PGM5: variants seen among roughly 807,000 people sequenced by gnomAD.
The protein encoded by PGM5 is phosphoglucomutase 5, also known as phosphoglucomutase-like protein 5.
In PGM5, 23 loss-of-function variants were observed where a neutral mutation model predicts 59.2. The ratio of observed to expected loss-of-function variants is 0.39; its 90% CI spans 0.28 to 0.55. The LOEUF is 0.55. Among genes scored for constraint, PGM5 ranks in the 20% least tolerant of loss-of-function variants. PGM5 has a pLI of 0.66. For missense variants in PGM5, 574 were observed against 748.3 expected, an observed-to-expected ratio of 0.77 and a Z score of 2.72; for synonymous variants, 214 against 286.0, an observed-to-expected ratio of 0.75 and a Z score of 2.54.
At chr9:68,398,429 G>A (rs1462901195) in intron 6 of PGM5, 8 of 152,104 alleles carry the variant, frequency 5.3e-5, no homozygotes, top group Admixed American at 2.0e-4. Context: ...ACACAAGAAG[G>A]AATGGGGAGG....
chr9:68,411,828 G>A (rs1351381425), intron 6 of PGM5, among the ~76,000 whole-genome samples: 4 of 152,058 alleles, frequency 2.6e-5, no homozygotes, highest in Non-Finnish European at 1.5e-5. Context: ...ACTTGTGGCT[G>A]TAATAAAGCT....
chr9:68,529,611 G>T lies in PGM5; in HGVS notation c.1659G>T (p.Gln553His). Residue 553 changes from glutamine to histidine, a missense_variant, in exon 11 of 11, where the codon CAG (glutamine) becomes CAT (histidine). Around this residue, in one of 7 missense-constraint regions of PGM5, gnomAD observed 300 missense variants for 280.0 expected, o/e 1.07. Transcript: ENST00000396396. The stretch of plus-strand genomic sequence containing the variant: ...TAGCCATCGCACTGAAAATATCCCA[G>T]ATTCATGAGAGAACTGGCCGGAGGG... ...PLIAIALKIS[Q>H]IHERTGRRGP... 6.2e-7 allele frequency: 1 copy of T among 1,601,034 alleles called. No individual in the cohort carries two copies. The highest frequency in any genetic ancestry group is 1.3e-5 in the African/African-American group (1 of 74,900).
intron 9 of PGM5, among the ~76,000 whole-genome samples, chr9:68,488,161 G>T (rs1256923754): frequency 6.6e-6 from 1 of 152,082 alleles, no homozygotes; most frequent in Non-Finnish European, 1.5e-5. Flanking sequence ...ACACAATTTT[G>T]CAGTGTCACA....
At chr9:68,474,072 G>A (rs757918001) in intron 7 of PGM5, among the ~76,000 whole-genome samples, 1 of 152,126 alleles carries the variant, frequency 6.6e-6, no homozygotes, top group African/African-American at 2.4e-5. Flanking sequence ...CCGGCTGCCT[G>A]TGAAAATCAC....
rs1173134384 is a variant in PGM5, at chr9:68,440,930, T to C, written c.1044-24163T>C. On this transcript the variant is annotated intron_variant, in intron 6 of 10. Transcript: ENST00000396396. ...AAACCTTTAGCAAGACCAACAAAGATGAAAAGAGAGAAGACACAAATTATA... is the reference window on the plus strand; with the variant it reads ...AAACCTTTAGCAAGACCAACAAAGACGAAAAGAGAGAAGACACAAATTATA... Among the ~76,000 whole-genome samples, 8 of 152,008 alleles carry C rather than the reference T, an allele frequency of 5.3e-5. No individual in the cohort carries two copies. In the East Asian group the frequency reaches 7.7e-4, roughly 15 times the overall value.
rs78173152 is a variant in PGM5 at position 68,516,495 on chromosome 9, G to A, written c.1615-13072G>A. Among the ~76,000 whole-genome samples, 1,224 of 152,314 alleles carry A rather than the reference G, an allele frequency of 8.0e-3. 12 individuals carry two copies. The highest frequency in any genetic ancestry group is 0.028 in the African/African-American group (1,167 of 41,562). On this transcript the variant is annotated intron_variant, in intron 10 of 10. Coordinates refer to ENST00000396396, the MANE Select transcript of PGM5 (RefSeq NM_021965.4). ...CTGGTTACCTCAAGTAGGCTGTGGG[G>A]TGGCAGTTAGGCGAAGTACAGAGAG...
At chr9:68,378,925 CA>C (rs1246236383) in intron 2 of PGM5, among the ~76,000 whole-genome samples, 1 of 151,976 alleles carries the variant, frequency 6.6e-6, no homozygotes, top group East Asian at 1.9e-4. Flanking sequence ...ATTGAACACA[CA>C]AAAAAATAGG....
At chr9:68,422,957 G>A (rs938113986) in intron 6 of PGM5, among the ~76,000 whole-genome samples, 1 of 152,130 alleles carries the variant, frequency 6.6e-6, no homozygotes, top group South Asian at 2.1e-4. Context: ...TCCCACTTAG[G>A]AGTGAGAATA....
intron 6 of PGM5, among the ~76,000 whole-genome samples, chr9:68,427,970 G>A (rs117589995): frequency 0.018 from 2,816 of 152,252 alleles, 42 homozygotes; most frequent in Non-Finnish European, 0.027. Context: ...CTGCACTGTT[G>A]AGTAAAGACT....
chr9:68,396,169 T>C (rs1822495363), intron 6 of PGM5: 1 of 152,138 alleles, frequency 6.6e-6, no homozygotes, highest in Admixed American at 6.6e-5. Flanking sequence ...TTTGCAATAA[T>C]TTTATGAGGT....
chr9:68,383,231 C>T (rs188375088), intron 2 of PGM5, among the ~76,000 whole-genome samples: 111 of 151,964 alleles, frequency 7.3e-4, no homozygotes, highest in Admixed American at 5.0e-3. Context: ...TCTAAGGCAG[C>T]GTTGTCCAAC....
intron 10 of PGM5, among the ~76,000 whole-genome samples, chr9:68,528,765 T>C (rs929251852): frequency 3.3e-5 from 5 of 152,198 alleles, no homozygotes; most frequent in African/African-American, 1.2e-4. Context: ...TTCTCCTTGA[T>C]GAAATCAGAA....
intron 2 of PGM5, among the ~76,000 whole-genome samples, chr9:68,378,823 G>A (rs1230078713): frequency 2.0e-5 from 3 of 150,990 alleles, no homozygotes; most frequent in Non-Finnish European, 4.4e-5. Context: ...TCATAGAATT[G>A]TTTCACTTTT....
At chr9:68,464,222 TTCC>T in intron 6 of PGM5, among the ~76,000 whole-genome samples, 1 of 152,328 alleles carries the variant, frequency 6.6e-6, no homozygotes, top group East Asian at 1.9e-4. Context: ...GCACACTAGG[TTCC>T]CCAGGAAGCA....
intron 10 of PGM5, among the ~76,000 whole-genome samples, chr9:68,499,726 A>C (rs1824542322): frequency 6.6e-6 from 1 of 152,146 alleles, no homozygotes; most frequent in African/African-American, 2.4e-5. Flanking sequence ...CGCTTATGTA[A>C]CTTTTGAATC....
At chr9:68,405,067 C>T (rs1554680989) in intron 6 of PGM5, 1 of 152,202 alleles carries the variant, frequency 6.6e-6, no homozygotes, top group Non-Finnish European at 1.5e-5. Context: ...TTTCTAGACC[C>T]CATGCTCTTA....
At chr9:68,442,051 T>C (rs1554683717) in intron 6 of PGM5, among the ~76,000 whole-genome samples, 2 of 152,058 alleles carry the variant, frequency 1.3e-5, no homozygotes, top group African/African-American at 4.8e-5. Flanking sequence ...AAAACATTAA[T>C]GAAAAAAAGT....
chr9:68,365,511 A>G (rs1321981157), intron 1 of PGM5, among the ~76,000 whole-genome samples: 2 of 152,188 alleles, frequency 1.3e-5, no homozygotes, highest in Non-Finnish European at 2.9e-5. Flanking sequence ...TGAGTCTTCA[A>G]ATATCTTACA....
At chr9:68,515,624 TC>T (rs1269348767) in intron 10 of PGM5, among the ~76,000 whole-genome samples, 1 of 152,164 alleles carries the variant, frequency 6.6e-6, no homozygotes, top group Non-Finnish European at 1.5e-5. Context: ...AGGCAAGCTT[TC>T]CCCCACTGGG....
Sources: allele counts gnomAD v4.1 joint callset (sites outside exome capture counted in the v4.1 genomes callset), GRCh38; gene constraint gnomAD v4.1.1; regional missense constraint gnomAD v4.1.1; transcripts MANE v1.5; gene names NCBI Gene and HGNC (gene_info 2026-07-23, HGNC 2026-07-21).